MAEA: variants seen among roughly 807,000 people sequenced by gnomAD.
MAEA encodes E3 ubiquitin-protein transferase MAEA.
MAEA carries 22 observed loss-of-function variants against 46.2 expected under a neutral mutation model. The observed-to-expected ratio is 0.48, with a 90% CI of 0.34 to 0.68. The LOEUF is 0.68. MAEA is among the 30% of genes least tolerant of loss of function. The probability of loss-of-function intolerance (pLI) is 0.01; values close to 1 mark genes in which losing one functional copy is unlikely to be tolerated. For synonymous variants in MAEA, 246 were observed against 222.6 expected (o/e 1.11, Z -0.94); for missense variants, 393 against 558.1 (o/e 0.70, Z 2.98).
At chr4:1,307,914 C>T (rs1047117365) in intron 1 of MAEA, among the ~76,000 whole-genome samples, 1 of 152,156 alleles carries the variant, frequency 6.6e-6, no homozygotes, top group African/African-American at 2.4e-5. Flanking sequence ...AACACCCGCA[C>T]AGGCACACCC....
At chr4:1,330,263 A>T (rs1254732242) in intron 5 of MAEA, 1 of 389,960 alleles carries the variant, frequency 2.6e-6, no homozygotes, top group Non-Finnish European at 3.3e-6. Flanking sequence ...GCACACCCAC[A>T]CCTCAGCCTG....
rs139459214 is a variant in MAEA, at chr4:1,330,040, C to T, written c.656+2337C>T. On this transcript the variant is annotated intron_variant, in intron 5 of 8. Coordinates refer to ENST00000303400, the MANE Select transcript of MAEA (RefSeq NM_001017405.3). ...TGTCTGTGGAGCCAGCGTGCTGGGC[C>T]GGGCAGGGGGCCTCGTTGGCTGGGG... The T allele has an allele frequency of 7.0e-3, 6,891 of 985,564 alleles. 30 individuals carry two copies. Among genetic ancestry groups the T allele is most frequent in the Non-Finnish European group, 7.9e-3 (6,554 of 830,004 alleles). 61.1% of individuals were successfully genotyped at this position (985,564 alleles called of 1,614,324 possible). A position where few individuals can be genotyped will look rare whatever the true frequency, so the allele number is the denominator to read the frequency against.
chr4:1,305,530 A>G (rs2108886852), intron 1 of MAEA, among the ~76,000 whole-genome samples: 1 of 152,300 alleles, frequency 6.6e-6, no homozygotes, highest in South Asian at 2.1e-4. Context: ...GGAATGGCTG[A>G]GTCATCTGGT....
At chr4:1,295,801 A>C (rs867303758) in intron 1 of MAEA, among the ~76,000 whole-genome samples, 76 of 7,910 alleles carry the variant, frequency 9.6e-3, no homozygotes, top group Non-Finnish European at 0.011. Context: ...CCCCCTCCCC[A>C]GCGCCTGTGC....
chr4:1,330,318 C>CTCTCTCTA, intron 5 of MAEA: 1 of 124,488 alleles, frequency 8.0e-6, no homozygotes, highest in South Asian at 2.2e-4. Context: ...GTTTCTCTCT[C>CTCTCTCTA]TCTCTCTTTC....
At chr4:1,290,088 A>C in intron 1 of MAEA, 106 bp downstream of exon 1, 1 of 783,830 alleles carries the variant, frequency 1.3e-6, no homozygotes, top group Non-Finnish European at 1.7e-6. Flanking sequence ...GGGCGGCGGG[A>C]GCTGGGCGCG....
chr4:1,327,513 A>G lies in MAEA; in HGVS notation c.580-114A>G, dbSNP rs929824231. ...CCTGCCTTCCCCGTGCCTGTGAGAG[A>G]GGGGTTCAGAGCTTTGGTTGTGGGG... On this transcript the variant is annotated intron_variant, in intron 4 of 8. Transcript: ENST00000303400. 52 of 771,512 alleles carry G rather than the reference A, an allele frequency of 6.7e-5. No homozygotes were observed. In the African/African-American group the frequency reaches 7.7e-4, roughly 11 times the overall value. The allele number at this position is 771,512 out of a possible 1,614,324, so 47.8% of individuals were successfully genotyped here. A position where few individuals can be genotyped will look rare whatever the true frequency, so the allele number is the denominator to read the frequency against.
intron 3 of MAEA, among the ~76,000 whole-genome samples, chr4:1,316,570 A>C (rs1164726641): frequency 2.6e-5 from 4 of 151,870 alleles, no homozygotes; most frequent in Admixed American, 1.3e-4. Context: ...GCCTGGCCCC[A>C]CAGGCCTCCC....
chr4:1,336,277 C>G (rs1712747332), intron 6 of MAEA, among the ~76,000 whole-genome samples: 1 of 152,032 alleles, frequency 6.6e-6, no homozygotes, highest in African/African-American at 2.4e-5. Flanking sequence ...TAAGTCAGCA[C>G]TGGCCTCACA....
chr4:1,304,580 A>G (rs1422837379), intron 1 of MAEA, among the ~76,000 whole-genome samples: 1 of 152,148 alleles, frequency 6.6e-6, no homozygotes, highest in Non-Finnish European at 1.5e-5. Flanking sequence ...AGTTGGGACT[A>G]CAGGCACCCG....
chr4:1,332,703 C>G, intron 5 of MAEA, 54 bp from the exon 6 acceptor site: 1 of 1,439,526 alleles, frequency 6.9e-7, no homozygotes, highest in Non-Finnish European at 9.7e-7. Context: ...AACCCTGTCT[C>G]TAAAAGTTAA....
chr4:1,304,536 G>T (rs1377905963), intron 1 of MAEA, among the ~76,000 whole-genome samples: 1 of 152,176 alleles, frequency 6.6e-6, no homozygotes, highest in Non-Finnish European at 1.5e-5. Flanking sequence ...CGCCTCTTGG[G>T]TTTACACCAT....
chr4:1,297,136 G>A (rs1184331310), intron 1 of MAEA, among the ~76,000 whole-genome samples: 6 of 152,222 alleles, frequency 3.9e-5, no homozygotes, highest in South Asian at 4.1e-4. Context: ...GGCCCCAGAC[G>A]AGCCCCAGAC....
chr4:1,309,984 C>T, intron 1 of MAEA: 1 of 1,244,312 alleles, frequency 8.0e-7, no homozygotes, highest in Non-Finnish European at 1.0e-6. Flanking sequence ...TGGTGGCGGT[C>T]TGGAATGTGC....
chr4:1,339,224 CACGCCT>C lies in MAEA; in HGVS notation c.*56_*61del. 7.5e-7 allele frequency: 1 copy of C among 1,335,686 alleles called. No homozygotes were observed. Among genetic ancestry groups the C allele is most frequent in the Non-Finnish European group, 1.1e-6 (1 of 926,882 alleles). The allele number at this position is 1,335,686 out of a possible 1,614,324, so 82.7% of individuals were successfully genotyped here. A position where few individuals can be genotyped will look rare whatever the true frequency, so the allele number is the denominator to read the frequency against. On this transcript the variant is annotated 3_prime_UTR_variant, in exon 9 of 9. Coordinates refer to ENST00000303400, the MANE Select transcript of MAEA (RefSeq NM_001017405.3). ...GACGGGCTGCAGTGGGCGGGGAGGC[CACGCCT>C]TCCTCCTGTCCCACGCTCCAGCCTG... is the stretch of plus-strand genomic sequence containing the variant.
At chr4:1,317,008 G>A (rs1318335520) in intron 3 of MAEA, among the ~76,000 whole-genome samples, 38 of 58,950 alleles carry the variant, frequency 6.4e-4, no homozygotes, top group South Asian at 2.2e-3. Flanking sequence ...GGCCCACCCC[G>A]GCCCCCACAC....
chr4:1,329,229 C>T, intron 5 of MAEA: 22 of 985,704 alleles, frequency 2.2e-5, no homozygotes, highest in Non-Finnish European at 2.7e-5. Context: ...GTCTATTTGC[C>T]TGTGTTACCC....
intron 1 of MAEA, among the ~76,000 whole-genome samples, chr4:1,310,323 C>T (rs1736332964): frequency 6.6e-6 from 1 of 152,186 alleles, no homozygotes; most frequent in Non-Finnish European, 1.5e-5. Flanking sequence ...GCTGTGACTT[C>T]CCATCCACTA....
At chr4:1,333,545 C>T (rs993434840) in intron 6 of MAEA, among the ~76,000 whole-genome samples, 11 of 152,094 alleles carry the variant, frequency 7.2e-5, no homozygotes, top group South Asian at 4.1e-4. Context: ...TCCGACTCTC[C>T]GCGGTCACTG....
Sources: gnomAD v4.1 joint callset for allele counts (sites outside exome capture counted in the v4.1 genomes callset) on GRCh38, gnomAD v4.1.1 for gene constraint, MANE v1.5 for transcripts, NCBI Gene and HGNC (gene_info 2026-07-23, HGNC 2026-07-21) for gene names.